The following MATR3 variants were observed in gnomAD, a reference collection of about 807,000 sequenced individuals.
MATR3 encodes matrin 3.
Under a neutral mutation model 85.5 loss-of-function variants are expected in MATR3, and 4 were observed. The ratio of observed to expected loss-of-function variants is 0.05; its 90% confidence interval spans 0.02 to 0.11. The LOEUF (loss-of-function observed/expected upper bound fraction) is 0.11. Among genes scored for constraint, MATR3 ranks in the 10% least tolerant of loss-of-function variants. The pLI is 1.00. For synonymous variants in MATR3, 336 were observed against 343.1 expected (o/e 0.98, Z 0.23); for missense variants, 685 against 1,016.1 (o/e 0.67, Z 4.43).
intron 3 of MATR3, among the ~76,000 whole-genome samples, chr5:139,281,289 C>T (rs1211172118): frequency 6.6e-6 from 1 of 151,872 alleles, no homozygotes; most frequent in Non-Finnish European, 1.5e-5. Flanking sequence ...GTCCTCCTGA[C>T]TCAGCCTCCT....
chr5:139,313,168 C>T (rs1755079210), intron 2 of MATR3: 1 of 151,924 alleles, frequency 6.6e-6, no homozygotes, highest in African/African-American at 2.4e-5. Flanking sequence ...TTTAAAAACA[C>T]ATCGCCTGAC....
intron 1 of MATR3, 118 bp downstream of exon 1, chr5:139,293,923 C>T: frequency 8.3e-7 from 1 of 1,200,472 alleles, no homozygotes; most frequent in Non-Finnish European, 1.0e-6. Flanking sequence ...CTTTCTTGCT[C>T]GCTCCCGCTC....
At chr5:139,312,140 G>C (rs12186596) in intron 2 of MATR3, 2 of 151,896 alleles carry the variant, frequency 1.3e-5, no homozygotes, top group Non-Finnish European at 2.9e-5. Flanking sequence ...ATTTTATTTT[G>C]TTTTATGTTT....
chr5:139,319,888 T>TTA (rs1425336363), intron 9 of MATR3, among the ~76,000 whole-genome samples: 105 of 106,376 alleles, frequency 9.9e-4, no homozygotes, highest in Non-Finnish European at 1.4e-3. Context: ...TTTTTTTTTT[T>TTA]AAAGTATATC....
chr5:139,288,411 G>T (rs1753774641), intron 3 of MATR3, among the ~76,000 whole-genome samples: 1 of 152,138 alleles, frequency 6.6e-6, no homozygotes, highest in African/African-American at 2.4e-5. Flanking sequence ...TGCAAACATG[G>T]GTAGGTGTGT....
At chr5:139,303,552 G>A (rs1472968938) in intron 1 of MATR3, among the ~76,000 whole-genome samples, 1 of 152,126 alleles carries the variant, frequency 6.6e-6, no homozygotes, top group African/African-American at 2.4e-5. Flanking sequence ...GGCCAACATG[G>A]TGAAAACCCC....
At chr5:139,326,078 A>G in intron 13 of MATR3, 85 bp from the exon 14 acceptor site, 2 of 1,208,792 alleles carry the variant, frequency 1.7e-6, no homozygotes, top group Non-Finnish European at 2.4e-6. Context: ...ATGTTGTTTC[A>G]TTTAAATTAT....
intron 3 of MATR3, chr5:139,315,428 C>G: frequency 2.6e-6 from 1 of 385,778 alleles, no homozygotes; most frequent in Non-Finnish European, 4.8e-6. Context: ...GCACTTCCTC[C>G]TTACAATTTA....
Position 139,307,605 on chromosome 5 carries a change from T to C in MATR3, c.190T>C (p.Leu64=), listed in dbSNP as rs775134951. Residue 64 remains leucine, a synonymous_variant, in exon 2 of 15, where the codon TTG becomes CTG. Coordinates refer to ENST00000394805, the MANE Select transcript of MATR3 (RefSeq NM_018834.6). The surrounding 1 kb of genome is among the most constrained non-coding windows in gnomAD (Gnocchi z 4.4). ...AATGAATCTTGGAATGAGTTCTTCA[T>C]TGAATCAACAAGGAGCTCATAGTGC... ...SLMNLGMSSS[L]NQQGAHSALS... The C allele has an allele frequency of 1.2e-6, 2 of 1,614,072 alleles. No homozygotes were observed. Among genetic ancestry groups the C allele is most frequent in the South Asian group, 2.2e-5 (2 of 91,090 alleles).
In MATR3 at chr5:139,319,237, C is replaced by G. The variant is rs1041936169; in HGVS notation, c.1435-97C>G. On this transcript the variant is annotated intron_variant, in intron 8 of 14. Transcript: ENST00000394805. ...TGGGCAACATAGCAAGACCTCGTCT[C>G]TATAAAAATAAAACAATTGGTAAAG... is the stretch of plus-strand genomic sequence containing the variant. The G allele has an allele frequency of 1.1e-5, 15 of 1,378,362 alleles. No homozygotes were observed. The African/African-American group carries it at 2.2e-4, about 20-fold the overall frequency. 85.4% of individuals were successfully genotyped at this position (1,378,362 alleles called of 1,614,324 possible).
intron 5 of MATR3, 82 bp downstream of exon 5, chr5:139,316,270 G>T (rs1755237375): frequency 9.4e-7 from 1 of 1,060,456 alleles, no homozygotes; most frequent in Non-Finnish European, 1.4e-6. Flanking sequence ...TTTGAGATGG[G>T]GTTTTGCTCT....
In MATR3 at chr5:139,275,142, A is replaced by ATTTTTTTTTT. The variant is rs750841386; in HGVS notation, c.-286-960_-286-951dup. Among the ~76,000 whole-genome samples, 30 of 40,910 alleles carry ATTTTTTTTTT rather than the reference A, an allele frequency of 7.3e-4. 2 individuals carry two copies. Among genetic ancestry groups the ATTTTTTTTTT allele is most frequent in the Non-Finnish European group, 1.0e-3 (23 of 22,234 alleles). The allele number at this position is 40,910 out of a possible 152,430, so 26.8% of individuals were successfully genotyped here. A position where few individuals can be genotyped will look rare whatever the true frequency, so the allele number is the denominator to read the frequency against. On this transcript the variant is annotated intron_variant, in intron 1 of 16. Transcript: ENST00000509990. ...AGGTGCCCGCCACCACGCCCGGCTA[A>ATTTTTTTTTT]TTTTTTTTTTTTTTTTTTTTTTTTT...
intron 2 of MATR3, among the ~76,000 whole-genome samples, chr5:139,309,046 C>A (rs1011797733): frequency 6.6e-6 from 1 of 152,144 alleles, no homozygotes; most frequent in Non-Finnish European, 1.5e-5. Context: ...TCCTCATAAA[C>A]AAATTCTTTT....
chr5:139,310,371 C>T (rs1022095219), intron 2 of MATR3: 1 of 152,048 alleles, frequency 6.6e-6, no homozygotes, highest in African/African-American at 2.4e-5. Context: ...TAAATTGGAC[C>T]AACTTTAAGA....
intron 3 of MATR3, chr5:139,279,243 G>T (rs565843160): frequency 2.1e-4 from 93 of 440,922 alleles, no homozygotes; most frequent in African/African-American, 1.7e-3. Context: ...CTTTTTTTTG[G>T]GGGGGGACGG....
At chr5:139,301,294 A>G (rs1018295281) in intron 1 of MATR3, among the ~76,000 whole-genome samples, 4 of 152,144 alleles carry the variant, frequency 2.6e-5, no homozygotes, top group African/African-American at 4.8e-5. Flanking sequence ...AGTCAAGAGA[A>G]TAGGGCTCTT....
intron 14 of MATR3, among the ~76,000 whole-genome samples, chr5:139,327,373 A>G (rs1037087263): frequency 3.3e-5 from 5 of 151,734 alleles, no homozygotes; most frequent in Admixed American, 6.6e-5. Flanking sequence ...CTGTATATGA[A>G]GAAAGAATTG....
intron 5 of MATR3, among the ~76,000 whole-genome samples, 176 bp from the exon 6 acceptor site, chr5:139,316,877 G>A (rs1169402496): frequency 1.3e-5 from 2 of 152,160 alleles, no homozygotes; most frequent in Non-Finnish European, 2.9e-5. Flanking sequence ...ATGATTATAG[G>A]TGAAAGAAGG....
chr5:139,321,859 A>G, intron 9 of MATR3, 39 bp from the exon 10 acceptor site: 1 of 1,603,756 alleles, frequency 6.2e-7, no homozygotes, highest in Non-Finnish European at 8.5e-7. Flanking sequence ...ATTTTGTAAA[A>G]TATAATGTGC....
Sources: allele counts gnomAD v4.1 joint callset (sites outside exome capture counted in the v4.1 genomes callset), GRCh38; gene constraint gnomAD v4.1.1; non-coding constraint Gnocchi (gnomAD v3.1); transcripts MANE v1.5; gene names NCBI Gene and HGNC (gene_info 2026-07-23, HGNC 2026-07-21).